Variants in ANK2 observed in about 807,000 individuals in gnomAD.
ANK2 encodes the protein ankyrin 2.
ANK2 carries 83 observed loss-of-function variants against 360.5 expected under a neutral mutation model. The ratio of observed to expected loss-of-function variants is 0.23; its 90% CI spans 0.19 to 0.28. ANK2 has a LOEUF of 0.28. Ranked by LOEUF, ANK2 falls within the 10% of genes least tolerant of loss-of-function variation. The pLI, the probability that ANK2 is intolerant of heterozygous loss-of-function variation, is 1.00. For missense variants in ANK2, 4,201 were observed against 4,795.7 expected, an observed-to-expected ratio of 0.88 and a Z score of 3.66; for synonymous variants, 1,740 against 1,759.5, an observed-to-expected ratio of 0.99 and a Z score of 0.28.
chr4:112,994,205 A>G (rs1208724419), intron 2 of ANK2, among the ~76,000 whole-genome samples: 1 of 152,220 alleles, frequency 6.6e-6, no homozygotes, highest in East Asian at 1.9e-4. Flanking sequence ...TAATTGTCAA[A>G]GAAAAATTAT....
At chr4:113,343,395 T>C (rs1416635156) in intron 34 of ANK2, among the ~76,000 whole-genome samples, 1 of 152,210 alleles carries the variant, frequency 6.6e-6, no homozygotes, top group East Asian at 1.9e-4. Flanking sequence ...TTAGGCACAG[T>C]GACCGGTATT....
chr4:112,750,050 T>G, the ANK2 span, among the ~76,000 whole-genome samples: 3 of 152,042 alleles, frequency 2.0e-5, no homozygotes, highest in Admixed American at 2.0e-4. Flanking sequence ...GGCATCTAGC[T>G]GTAGGTAACT....
chr4:113,125,927 C>T (rs1160999311), intron 1 of ANK2, among the ~76,000 whole-genome samples: 10 of 152,016 alleles, frequency 6.6e-5, no homozygotes, highest in Admixed American at 6.6e-4. Flanking sequence ...ATAGGTGTTA[C>T]CTGGGAGATG....
chr4:113,047,250 G>A (rs2064810668), upstream of ANK2, among the ~76,000 whole-genome samples: 1 of 152,176 alleles, frequency 6.6e-6, no homozygotes, highest in Non-Finnish European at 1.5e-5. Context: ...CACCTTGTGT[G>A]CTAAGCACAG....
At chr4:113,008,469 A>G (rs1307712585) in intron 2 of ANK2, among the ~76,000 whole-genome samples, 1 of 152,216 alleles carries the variant, frequency 6.6e-6, no homozygotes, top group African/African-American at 2.4e-5. Flanking sequence ...CCCTGGTTAT[A>G]AGCCAATAGG....
intron 2 of ANK2, among the ~76,000 whole-genome samples, chr4:112,917,307 C>G (rs926320193): frequency 6.6e-6 from 1 of 152,200 alleles, no homozygotes; most frequent in Admixed American, 6.5e-5. Context: ...ATTCTACAAA[C>G]TTTTAATGCT....
rs114896779 is a variant in ANK2 at position 113,227,664 on chromosome 4, C to G, written c.385-4497C>G. Among the ~76,000 whole-genome samples, 925 of 152,204 alleles carry G rather than the reference C, an allele frequency of 6.1e-3. 8 individuals are homozygous for G. Among genetic ancestry groups the G allele is most frequent in the Non-Finnish European group, 6.3e-3 (429 of 68,010 alleles). On this transcript the variant is annotated intron_variant, in intron 4 of 45. Coordinates refer to ENST00000357077, the MANE Select transcript of ANK2 (RefSeq NM_001148.6). Reference sequence around the variant, plus strand: ...GGAAAATTCATCCACAGGATGGAGTCCTAATACCATTACAGGGAAGAGACT... The same window carrying G: ...GGAAAATTCATCCACAGGATGGAGTGCTAATACCATTACAGGGAAGAGACT...
chr4:112,993,298 G>T (rs1216162500), intron 2 of ANK2, among the ~76,000 whole-genome samples: 2 of 151,916 alleles, frequency 1.3e-5, no homozygotes, highest in East Asian at 3.9e-4. Context: ...AAAATATTTA[G>T]TGTATACCTT....
the ANK2 span, among the ~76,000 whole-genome samples, chr4:112,802,610 C>A: frequency 6.6e-6 from 1 of 152,026 alleles, no homozygotes; most frequent in Non-Finnish European, 1.5e-5. Flanking sequence ...TATTGCTATG[C>A]TGTTTTTGCA....
At chr4:113,101,340 G>A (rs1000174384) in intron 1 of ANK2, among the ~76,000 whole-genome samples, 1 of 152,054 alleles carries the variant, frequency 6.6e-6, no homozygotes, top group African/African-American at 2.4e-5. Flanking sequence ...TAAATACAGA[G>A]TAACTTTTTG....
chr4:112,824,136 C>CATCCATCT (rs1553928690), intron 1 of ANK2, among the ~76,000 whole-genome samples: 1 of 147,948 alleles, frequency 6.8e-6, no homozygotes, highest in African/African-American at 2.5e-5. Context: ...AGGTCTTCAG[C>CATCCATCT]ATCTATCTAT....
At chr4:112,997,901 TG>T (rs2049194740) in intron 2 of ANK2, among the ~76,000 whole-genome samples, 1 of 138,632 alleles carries the variant, frequency 7.2e-6, no homozygotes, top group African/African-American at 2.8e-5. Context: ...TATAGAATTT[TG>T]GGCTATTTTT....
intron 37 of ANK2, among the ~76,000 whole-genome samples, chr4:113,352,350 AAGG>A (rs1485802651): frequency 6.6e-6 from 1 of 152,156 alleles, no homozygotes; most frequent in Non-Finnish European, 1.5e-5. Context: ...GTGTCTAAAC[AAGG>A]AGGTTGCTCC....
In ANK2 at chr4:113,361,536, C is replaced by CT. The variant is rs762043370; in HGVS notation, c.10756+654dup. Among the ~76,000 whole-genome samples the CT allele has an allele frequency of 1.2e-3, 159 of 129,900 alleles. 1 individual carries two copies. The South Asian group carries it at 0.013, about 10-fold the overall frequency. 85.2% of individuals were successfully genotyped at this position (129,900 alleles called of 152,430 possible). A position where few individuals can be genotyped will look rare whatever the true frequency, so the allele number is the denominator to read the frequency against. On this transcript the variant is annotated intron_variant, in intron 39 of 45. Transcript: ENST00000357077. ...TATTAAAGCAAGATTCTCAGTCTGGCTTTTTTTTTTTTTTTAATATCACTT... is the reference window on the plus strand; with the variant it reads ...TATTAAAGCAAGATTCTCAGTCTGGCTTTTTTTTTTTTTTTTAATATCACTT...
Position 113,258,113 on chromosome 4 carries a change from G to A in ANK2, c.1252G>A (p.Val418Met), listed in dbSNP as rs760073103. ...KNRIKVMELL[V>M]KYGASIQAIT... is the part of the protein sequence containing the mutation. ...CCGCATCAAAGTCATGGAACTGCTG[G>A]TGAAATATGGGGCTTCAATCCAAGC... The change falls in exon 12 of 46, where the codon GTG (valine) becomes ATG (methionine). Residue 418 changes from valine to methionine, a missense_variant. Physicochemically the swap from Val to Met is conservative, Grantham distance 21. Around this residue, in one of 4 missense-constraint regions of ANK2, gnomAD observed 1,268 missense variants for 1,650.8 expected, o/e 0.77. Coordinates refer to ENST00000357077, the MANE Select transcript of ANK2 (RefSeq NM_001148.6). The A allele has an allele frequency of 9.3e-6, 15 of 1,614,062 alleles. No homozygotes were observed. The Admixed American group carries it at 2.3e-4, about 25-fold the overall frequency.
intron 2 of ANK2, among the ~76,000 whole-genome samples, chr4:112,971,000 TA>T (rs1201469233): frequency 6.6e-6 from 1 of 151,990 alleles, no homozygotes; most frequent in Non-Finnish European, 1.5e-5. Context: ...TAATTTAAAA[TA>T]CAGGTAAAAG....
intron 28 of ANK2, 141 bp from the exon 29 acceptor site, chr4:113,332,913 A>T: frequency 8.3e-7 from 1 of 1,199,054 alleles, no homozygotes; most frequent in Admixed American, 1.8e-5. Context: ...TCTGCTAGCC[A>T]GTGGGCTCCA....
intron 2 of ANK2, among the ~76,000 whole-genome samples, chr4:112,936,466 C>T (rs946936936): frequency 1.3e-5 from 2 of 151,954 alleles, no homozygotes; most frequent in African/African-American, 4.8e-5. Flanking sequence ...CTGCCTCAGC[C>T]TCCTGAGTAG....
At chr4:112,988,208 A>C (rs1395544941) in intron 2 of ANK2, among the ~76,000 whole-genome samples, 1 of 152,236 alleles carries the variant, frequency 6.6e-6, no homozygotes, top group Non-Finnish European at 1.5e-5. Flanking sequence ...CTACTATTCC[A>C]GCAACTGGAA....
Sources: gnomAD v4.1 joint callset for allele counts (sites outside exome capture counted in the v4.1 genomes callset) on GRCh38, gnomAD v4.1.1 for gene constraint, gnomAD v4.1.1 regional missense constraint, MANE v1.5 for transcripts, NCBI Gene and HGNC (gene_info 2026-07-23, HGNC 2026-07-21) for gene names.